PCDH11X: variants seen among roughly 807,000 people sequenced by gnomAD.
The protein encoded by PCDH11X is protocadherin 11 X-linked.
PCDH11X carries 18 observed loss-of-function variants against 53.3 expected under a neutral mutation model. The ratio of observed to expected loss-of-function variants is 0.34; its 90% CI spans 0.23 to 0.50. PCDH11X has a LOEUF of 0.50. Ranked by LOEUF, PCDH11X falls within the 20% of genes least tolerant of loss-of-function variation. The pLI is 0.98. For missense variants in PCDH11X, 570 were observed against 1,032.4 expected (o/e 0.55, Z 6.14); for synonymous variants, 279 against 393.3 (o/e 0.71, Z 3.44).
At chrX:91,832,405 A>T (rs1433420869) in intron 4 of PCDH11X, among the ~76,000 whole-genome samples, 1 of 104,101 alleles carries the variant, frequency 9.6e-6, no homozygotes, top group Non-Finnish European at 2.0e-5. Flanking sequence ...AGAAAACCAA[A>T]CACCACATAT....
At chrX:91,887,124 A>T (rs1173602900) in intron 6 of PCDH11X, among the ~76,000 whole-genome samples, 2 of 109,483 alleles carry the variant, frequency 1.8e-5, no homozygotes, top group East Asian at 5.7e-4. Flanking sequence ...TGTCACCTGC[A>T]CTCCTCACTG....
At chrX:91,843,344 C>G (rs1176032547) in intron 5 of PCDH11X, among the ~76,000 whole-genome samples, 1 of 104,840 alleles carries the variant, frequency 9.5e-6, no homozygotes, top group African/African-American at 3.5e-5. Context: ...CAGCCTTGCT[C>G]TGTCGCCCAG....
At chrX:91,892,505 T>G (rs1211051018) in intron 6 of PCDH11X, among the ~76,000 whole-genome samples, 1 of 110,814 alleles carries the variant, frequency 9.0e-6, no homozygotes, top group Non-Finnish European at 1.9e-5. Context: ...GCCATGCACC[T>G]CATATTTTTG....
intron 6 of PCDH11X, among the ~76,000 whole-genome samples, chrX:91,920,176 T>C (rs1485204735): frequency 1.8e-5 from 2 of 111,580 alleles, no homozygotes; most frequent in African/African-American, 6.5e-5. Context: ...TGTGGGAACA[T>C]TTAGATTTTT....
intron 8 of PCDH11X, among the ~76,000 whole-genome samples, chrX:92,342,874 A>G (rs987403971): frequency 2.7e-5 from 3 of 111,725 alleles, no homozygotes; most frequent in African/African-American, 9.8e-5. Context: ...TAAACTCAAA[A>G]AAGAGAAAAG....
chrX:92,421,151 C>T (rs926370664), intron 9 of PCDH11X, among the ~76,000 whole-genome samples: 8 of 111,383 alleles, frequency 7.2e-5, no homozygotes, highest in Non-Finnish European at 1.5e-4. Context: ...AGTTCAGGGG[C>T]ACATGTTATA....
At chrX:92,286,129 G>C (rs1380569420) in intron 8 of PCDH11X, among the ~76,000 whole-genome samples, 1 of 109,917 alleles carries the variant, frequency 9.1e-6, no homozygotes, top group Non-Finnish European at 1.9e-5. Context: ...CAGTGCTGCA[G>C]AGATTTTGTT....
intron 6 of PCDH11X, among the ~76,000 whole-genome samples, chrX:91,996,058 G>C (rs2062414973): frequency 9.5e-6 from 1 of 105,296 alleles, no homozygotes; most frequent in Non-Finnish European, 1.9e-5. Flanking sequence ...AGCCAGGATG[G>C]TCTCGATCTC....
chrX:92,326,639 T>TATATAGAG (rs758088746), intron 8 of PCDH11X, among the ~76,000 whole-genome samples: 1 of 39,329 alleles, frequency 2.5e-5, no homozygotes, highest in African/African-American at 1.7e-4. Flanking sequence ...TATATATATA[T>TATATAGAG]AGAGAGAGAG....
At chrX:91,913,648 G>A (rs1026035217) in intron 6 of PCDH11X, among the ~76,000 whole-genome samples, 1 of 110,161 alleles carries the variant, frequency 9.1e-6, no homozygotes, top group African/African-American at 3.3e-5. Flanking sequence ...ACAAAACACA[G>A]AAACTCATGG....
At chrX:92,227,973 A>T (rs1207291294) in intron 7 of PCDH11X, among the ~76,000 whole-genome samples, 1 of 111,360 alleles carries the variant, frequency 9.0e-6, no homozygotes, top group Non-Finnish European at 1.9e-5. Flanking sequence ...GATTAACAAT[A>T]AAATGAAATA....
Position 91,835,607 on chromosome X carries a change from C to T in PCDH11X, c.103C>T (p.Pro35Ser). The part of the protein sequence containing the change: ...EKNYTIREEM[P>S]ENVLIGDLLK... ...AAACTACACCATCCGAGAAGAAATG[C>T]CAGAAAACGTCCTGATAGGCGACTT... Residue 35 changes from proline to serine, a missense_variant, in exon 5 of 11, where the codon CCA becomes TCA. Pro to Ser is a moderately conservative substitution (Grantham distance 74, BLOSUM62 -1). Coordinates refer to ENST00000682573, the MANE Select transcript of PCDH11X (RefSeq NM_032968.5). 1 of 1,211,051 alleles carries T rather than the reference C, an allele frequency of 8.3e-7. No homozygotes were observed. Among genetic ancestry groups the T allele is most frequent in the Non-Finnish European group, 1.1e-6 (1 of 895,369 alleles).
intron 9 of PCDH11X, among the ~76,000 whole-genome samples, chrX:92,401,213 A>T (rs1393335422): frequency 9.4e-6 from 1 of 106,098 alleles, no homozygotes; most frequent in Non-Finnish European, 1.9e-5. Flanking sequence ...ATAATGTGTC[A>T]TTGCAAACTT....
chrX:92,271,367 T>C (rs1185086844), intron 8 of PCDH11X, among the ~76,000 whole-genome samples: 1 of 111,972 alleles, frequency 8.9e-6, no homozygotes, highest in Non-Finnish European at 1.9e-5. Context: ...TCTTGGCATC[T>C]TGAACAAAGA....
chrX:92,471,521 T>G (rs2148664323), intron 10 of PCDH11X, among the ~76,000 whole-genome samples: 1 of 110,255 alleles, frequency 9.1e-6, no homozygotes, highest in Non-Finnish European at 1.9e-5. Context: ...TTGATTGACA[T>G]TTAGGTTGAT....
rs753574206 is a variant in PCDH11X at position 92,327,806 on chromosome X, G to A, written c.3145-59929G>A. ...CAACTAAGGTATTGACAATTAAGAT[G>A]CAAAAAAAGATTATGCCTGTAAATA... is the stretch of plus-strand genomic sequence containing the variant. On this transcript the variant is annotated intron_variant, in intron 8 of 10. Coordinates refer to ENST00000682573, the MANE Select transcript of PCDH11X (RefSeq NM_032968.5). 6.1e-5 allele frequency among the ~76,000 whole-genome samples: 6 copies of A among 97,798 alleles called. No homozygotes were observed. In the East Asian group the frequency reaches 1.4e-3, roughly 22 times the overall value. 84.9% of individuals were successfully genotyped at this position (97,798 alleles called of 115,157 possible). A position where few individuals can be genotyped will look rare whatever the true frequency, so the allele number is the denominator to read the frequency against.
At chrX:92,530,497 T>G (rs1264457156) in intron 10 of PCDH11X, among the ~76,000 whole-genome samples, 1 of 112,175 alleles carries the variant, frequency 8.9e-6, no homozygotes, top group African/African-American at 3.2e-5. Flanking sequence ...AAGTTTAGCA[T>G]TTTCCTAATT....
At chrX:91,908,287 C>T (rs766816628) in intron 6 of PCDH11X, among the ~76,000 whole-genome samples, 7 of 111,282 alleles carry the variant, frequency 6.3e-5, no homozygotes, top group African/African-American at 2.3e-4. Flanking sequence ...AATATCCAGC[C>T]TCTATAAGAA....
At chrX:92,569,427 T>C (rs1282595692) in intron 10 of PCDH11X, among the ~76,000 whole-genome samples, 1 of 107,923 alleles carries the variant, frequency 9.3e-6, no homozygotes, top group East Asian at 2.9e-4. Flanking sequence ...ACACTTGTGA[T>C]TTATTTTGTT....
Sources: gnomAD v4.1 joint callset for allele counts (sites outside exome capture counted in the v4.1 genomes callset) on GRCh38, gnomAD v4.1.1 for gene constraint, MANE v1.5 for transcripts, NCBI Gene and HGNC (gene_info 2026-07-23, HGNC 2026-07-21) for gene names.